The following PCP4L1 variants were observed in gnomAD, a reference collection of about 807,000 sequenced individuals.
PCP4L1 encodes Purkinje cell protein 4 like 1, also known as Purkinje cell protein 4-like protein 1.
A neutral mutation model predicts 9.6 loss-of-function variants in PCP4L1; 9 were observed. The observed-to-expected ratio is 0.94, with a 90% CI of 0.57 to 1.64. The LOEUF (loss-of-function observed/expected upper bound fraction) is 1.64. Among genes scored for constraint, PCP4L1 ranks in the 40% most tolerant of loss-of-function variants. The pLI is 0.00. For synonymous variants in PCP4L1, 31 were observed against 28.2 expected (o/e 1.10, Z -0.31); for missense variants, 81 against 80.8 (o/e 1.00, Z -0.01).
At chr1:161,282,123 G>A (rs7540918) in intron 1 of PCP4L1, among the ~76,000 whole-genome samples, 46,048 of 151,714 alleles carry the variant, frequency 0.3, 7,536 homozygotes, top group East Asian at 0.63. Context: ...ACAAGACTCC[G>A]TCTGCAATCC....
chr1:161,263,724 G>A (rs1168746252), intron 1 of PCP4L1, among the ~76,000 whole-genome samples: 4 of 151,048 alleles, frequency 2.6e-5, no homozygotes, highest in Non-Finnish European at 5.9e-5. Context: ...TGGGACCACA[G>A]GTACACGTCA....
Position 161,284,751 on chromosome 1 carries a change from C to T in PCP4L1, c.*270C>T. 2.2e-6 allele frequency: 1 copy of T among 460,104 alleles called. No homozygotes were observed. The highest frequency in any genetic ancestry group is 3.4e-5 in the Admixed American group (1 of 29,150). 28.5% of individuals were successfully genotyped at this position (460,104 alleles called of 1,614,324 possible). A position where few individuals can be genotyped will look rare whatever the true frequency, so the allele number is the denominator to read the frequency against. On this transcript the variant is annotated 3_prime_UTR_variant, in exon 3 of 3. Transcript: ENST00000504449. ...TTCTTTGATCAGTAGCTATGCCTGC[C>T]CTGTAGGGCTAAACAAGAGGCTTCG...
rs1324077165 is a variant in PCP4L1, at chr1:161,284,654, A to G, written c.*173A>G. ...CATCACAGAAGTAGAGGCACAAGAGAGGTGGAGAAGATGAAGACTTCAATC... is the reference window on the plus strand; with the variant it reads ...CATCACAGAAGTAGAGGCACAAGAGGGGTGGAGAAGATGAAGACTTCAATC... On this transcript the variant is annotated 3_prime_UTR_variant, in exon 3 of 3. Transcript: ENST00000504449. 4 of 828,230 alleles carry G rather than the reference A, an allele frequency of 4.8e-6. No individual in the cohort carries two copies. The highest frequency in any genetic ancestry group is 7.5e-6 in the Non-Finnish European group (4 of 533,962). 51.3% of individuals were successfully genotyped at this position (828,230 alleles called of 1,614,324 possible).
intron 1 of PCP4L1, among the ~76,000 whole-genome samples, chr1:161,261,963 A>G (rs887640180): frequency 2.1e-4 from 32 of 152,236 alleles, no homozygotes; most frequent in Admixed American, 1.9e-3. Flanking sequence ...CACCTTCCCA[A>G]CAAGGGAAGT....
intron 1 of PCP4L1, among the ~76,000 whole-genome samples, chr1:161,282,089 G>A (rs36001187): frequency 1.2e-4 from 19 of 152,120 alleles, no homozygotes; most frequent in African/African-American, 1.9e-4. Flanking sequence ...CACTCCAGCC[G>A]GGGCACCATT....
chr1:161,278,007 T>C (rs1430211232), intron 1 of PCP4L1, among the ~76,000 whole-genome samples: 1 of 152,236 alleles, frequency 6.6e-6, no homozygotes, highest in East Asian at 1.9e-4. Context: ...CCTCCACTTA[T>C]GCACCAGATC....
In PCP4L1 at chr1:161,274,784, G is replaced by A. The variant is rs117903819; in HGVS notation, c.10-8884G>A. Among the ~76,000 whole-genome samples the A allele has an allele frequency of 2.4e-4, 37 of 152,206 alleles. 1 individual carries two copies. The East Asian group carries it at 7.0e-3, about 29-fold the overall frequency. On this transcript the variant is annotated intron_variant, in intron 1 of 2. Transcript: ENST00000504449. ...CACAAACAACTAAATCCAGAAGAGT[G>A]TCCAGAGTGGCTATTTCGAGAACTG...
At chr1:161,263,804 G>C (rs894315984) in intron 1 of PCP4L1, among the ~76,000 whole-genome samples, 1 of 148,280 alleles carries the variant, frequency 6.7e-6, no homozygotes. Context: ...TGCTGGTCTC[G>C]AACTCCTGAG....
intron 1 of PCP4L1, among the ~76,000 whole-genome samples, chr1:161,260,591 G>A (rs1316302172): frequency 6.6e-6 from 1 of 152,200 alleles, no homozygotes; most frequent in Non-Finnish European, 1.5e-5. Context: ...GTTTTCTGGG[G>A]TAAGTGCACA....
chr1:161,281,348 G>A (rs1669793023), intron 1 of PCP4L1, among the ~76,000 whole-genome samples: 1 of 152,164 alleles, frequency 6.6e-6, no homozygotes, highest in African/African-American at 2.4e-5. Flanking sequence ...TTCTCAATGA[G>A]CTGTTGGGTA....
chr1:161,264,317 G>T (rs138221871), intron 1 of PCP4L1, among the ~76,000 whole-genome samples: 155 of 151,992 alleles, frequency 1.0e-3, no homozygotes, highest in Admixed American at 2.2e-3. Flanking sequence ...AGGAGTTCGA[G>T]ACCAGCCTGG....
chr1:161,277,957 A>G (rs1351314530), intron 1 of PCP4L1, among the ~76,000 whole-genome samples: 1 of 152,096 alleles, frequency 6.6e-6, no homozygotes. Context: ...TCATTCCTAT[A>G]TTGTAGATAA....
chr1:161,270,397 G>C lies in PCP4L1; in HGVS notation c.9+11414G>C, dbSNP rs116262357. Among the ~76,000 whole-genome samples, 448 of 152,146 alleles carry C rather than the reference G, an allele frequency of 2.9e-3. 4 individuals carry two copies. Among genetic ancestry groups the C allele is most frequent in the Middle Eastern group, 0.014 (4 of 294 alleles). The stretch of plus-strand genomic sequence containing the variant: ...ACAATTGCTCATGTCAGAGCCAACT[G>C]TGTTAGGGTGTGCAATGGTCTGAAT... On this transcript the variant is annotated intron_variant, in intron 1 of 2. Transcript: ENST00000504449.
chr1:161,266,165 G>A (rs972242770), intron 1 of PCP4L1, among the ~76,000 whole-genome samples: 2 of 152,010 alleles, frequency 1.3e-5, no homozygotes, highest in South Asian at 2.1e-4. Flanking sequence ...GCTTATTCCC[G>A]AAGCCATGCC....
At chr1:161,263,649 A>G (rs1459001302) in intron 1 of PCP4L1, among the ~76,000 whole-genome samples, 2 of 149,940 alleles carry the variant, frequency 1.3e-5, no homozygotes, top group African/African-American at 2.5e-5. Flanking sequence ...TGGCATGATC[A>G]TGGCTCACTG....
intron 1 of PCP4L1, among the ~76,000 whole-genome samples, chr1:161,265,103 T>C (rs919733715): frequency 3.3e-5 from 5 of 152,194 alleles, no homozygotes; most frequent in African/African-American, 9.7e-5. Flanking sequence ...ATGTTCATCA[T>C]TGATTCCCAT....
At chr1:161,261,760 A>C (rs1343419165) in intron 1 of PCP4L1, among the ~76,000 whole-genome samples, 1 of 152,230 alleles carries the variant, frequency 6.6e-6, no homozygotes, top group Non-Finnish European at 1.5e-5. Flanking sequence ...GACAGTCTTC[A>C]TGGTGTCTGT....
intron 1 of PCP4L1, among the ~76,000 whole-genome samples, chr1:161,276,047 G>C (rs768296553): frequency 6.6e-6 from 1 of 151,958 alleles, no homozygotes; most frequent in African/African-American, 2.4e-5. Flanking sequence ...CGCCTGCTTC[G>C]GCCTCCCAAA....
intron 2 of PCP4L1, 117 bp from the exon 3 acceptor site, chr1:161,284,222 T>G: frequency 7.3e-7 from 1 of 1,375,466 alleles, no homozygotes. Context: ...TAGCAAAAAT[T>G]TGGGGACCCC....
Sources: gnomAD v4.1 joint callset for allele counts (sites outside exome capture counted in the v4.1 genomes callset) on GRCh38, gnomAD v4.1.1 for gene constraint, MANE v1.5 for transcripts, NCBI Gene and HGNC (gene_info 2026-07-23, HGNC 2026-07-21) for gene names.